ECT2L: variants seen among roughly 807,000 people sequenced by gnomAD.
The protein encoded by ECT2L is epithelial cell transforming 2 like.
A neutral mutation model predicts 122.8 loss-of-function variants in ECT2L; 126 were observed. The ratio of observed to expected loss-of-function variants is 1.03; its 90% CI spans 0.89 to 1.19. The LOEUF (loss-of-function observed/expected upper bound fraction) is 1.19, where lower values mean the gene tolerates loss of function less well. Ranked by LOEUF, ECT2L falls within the 50% of genes most tolerant of loss-of-function variation. ECT2L has a pLI of 0.00. For missense variants in ECT2L, 1,012 were observed against 1,064.1 expected, an observed-to-expected ratio of 0.95 and a Z score of 0.68; for synonymous variants, 385 against 381.8, an observed-to-expected ratio of 1.01 and a Z score of -0.10.
chr6:138,873,003 C>T (rs1778309384), intron 13 of ECT2L, among the ~76,000 whole-genome samples: 2 of 152,142 alleles, frequency 1.3e-5, no homozygotes, highest in South Asian at 4.1e-4. Context: ...TGGAGCAGTT[C>T]CTCTGAGGCA....
Position 138,865,296 on chromosome 6 carries a change from A to C in ECT2L, c.1474+118A>C. On this transcript the variant is annotated intron_variant, in intron 12 of 21. Coordinates refer to ENST00000541398, the MANE Select transcript of ECT2L (RefSeq NM_001077706.3). ...TTTACTCTTGAACATCTCCAGTAAA[A>C]TTTTATCTCCTAGGTTGCTCACACG... The C allele has an allele frequency of 4.1e-6, 4 of 970,638 alleles. No individual in the cohort carries two copies. In the South Asian group the frequency reaches 8.8e-5, roughly 21 times the overall value. 60.1% of individuals were successfully genotyped at this position (970,638 alleles called of 1,614,324 possible). A position where few individuals can be genotyped will look rare whatever the true frequency, so the allele number is the denominator to read the frequency against.
rs1172375219 is a variant in ECT2L, at chr6:138,812,935, T to TA, written c.-140dup. ...AATGCTTCCCATTTTCCCAGCAAAG[T>TA]AAAAAACAACTTTTGTTTAAATTCA... On this transcript the variant is annotated 5_prime_UTR_variant, in exon 2 of 22. Transcript: ENST00000541398. 2 of 203,886 alleles carry TA rather than the reference T, an allele frequency of 9.8e-6. No homozygotes were observed. The highest frequency in any genetic ancestry group is 1.1e-4 in the East Asian group (1 of 9,110). The allele number at this position is 203,886 out of a possible 1,614,324, so 12.6% of individuals were successfully genotyped here.
At chr6:138,873,153 G>C (rs1017930662) in intron 13 of ECT2L, among the ~76,000 whole-genome samples, 18 of 152,086 alleles carry the variant, frequency 1.2e-4, no homozygotes, top group East Asian at 1.9e-4. Flanking sequence ...CTGGAAATCA[G>C]GCCCTCTATT....
chr6:138,852,329 CT>C (rs746770661), intron 9 of ECT2L, among the ~76,000 whole-genome samples: 2,430 of 143,190 alleles, frequency 0.017, 42 homozygotes, highest in Admixed American at 0.056. Context: ...TCAACGGTTA[CT>C]TTTTTTTTTT....
At chr6:138,893,137 G>A (rs1334758971) in intron 20 of ECT2L, among the ~76,000 whole-genome samples, 1 of 151,290 alleles carries the variant, frequency 6.6e-6, no homozygotes, top group Non-Finnish European at 1.5e-5. Context: ...GTTACTTCTG[G>A]ACTGTGACCT....
intron 10 of ECT2L, among the ~76,000 whole-genome samples, chr6:138,858,985 C>G (rs114960462): frequency 0.015 from 2,303 of 152,054 alleles, 41 homozygotes; most frequent in African/African-American, 0.048. Context: ...CAGGTGTGCA[C>G]CATCCCGCCT....
intron 10 of ECT2L, 77 bp downstream of exon 10, chr6:138,854,231 C>T (rs1777541405): frequency 1.4e-6 from 2 of 1,443,300 alleles, no homozygotes; most frequent in East Asian, 2.3e-5. Flanking sequence ...TTGAAGTGCC[C>T]CTGGGTCAAA....
At chr6:138,824,363 G>A (rs1261276518) in intron 4 of ECT2L, among the ~76,000 whole-genome samples, 1 of 150,950 alleles carries the variant, frequency 6.6e-6, no homozygotes, top group Admixed American at 6.6e-5. Context: ...TATTAAAGAG[G>A]TTCATGTTAA....
In ECT2L at chr6:138,890,814, G is replaced by A. The variant is rs1239991132; in HGVS notation, c.2414+1783G>A. On this transcript the variant is annotated intron_variant, in intron 20 of 21. Transcript: ENST00000541398. Reference sequence around the variant, plus strand: ...GTGTGTAAAAAATTTATTGTTTGAAGGCAATTTTGCTGGATACAGAATTCT... The same window carrying A: ...GTGTGTAAAAAATTTATTGTTTGAAAGCAATTTTGCTGGATACAGAATTCT... 4.0e-5 allele frequency among the ~76,000 whole-genome samples: 6 copies of A among 151,652 alleles called. No individual in the cohort carries two copies. In the Middle Eastern group the frequency reaches 0.014, roughly 344 times the overall value.
chr6:138,839,001 C>T (rs1487804651), intron 5 of ECT2L, among the ~76,000 whole-genome samples: 1 of 152,286 alleles, frequency 6.6e-6, no homozygotes, highest in Non-Finnish European at 1.5e-5. Context: ...AGGCTTGTCT[C>T]GCACTCCTGA....
intron 20 of ECT2L, among the ~76,000 whole-genome samples, chr6:138,898,522 A>C (rs1779288301): frequency 1.3e-5 from 2 of 152,164 alleles, no homozygotes; most frequent in Non-Finnish European, 1.5e-5. Context: ...GCATAGCTGT[A>C]ACTAATAAAT....
intron 19 of ECT2L, among the ~76,000 whole-genome samples, chr6:138,887,914 C>A (rs1582661584): frequency 6.6e-6 from 1 of 152,188 alleles, no homozygotes; most frequent in East Asian, 1.9e-4. Context: ...GATTTTGCAT[C>A]CTGAACATTC....
At chr6:138,803,084 A>AT (rs145832446) in intron 1 of ECT2L, among the ~76,000 whole-genome samples, 15,687 of 122,410 alleles carry the variant, frequency 0.13, 1,001 homozygotes, top group East Asian at 0.26. Flanking sequence ...CTCAAAAAAA[A>AT]AAAAATAATA....
At chr6:138,856,874 G>C (rs1263462857) in intron 10 of ECT2L, among the ~76,000 whole-genome samples, 2 of 152,180 alleles carry the variant, frequency 1.3e-5, no homozygotes, top group Non-Finnish European at 2.9e-5. Flanking sequence ...TCTTTGAGAT[G>C]ACAATTTTAT....
intron 11 of ECT2L, among the ~76,000 whole-genome samples, chr6:138,863,091 G>C (rs1777896211): frequency 6.6e-6 from 1 of 152,164 alleles, no homozygotes; most frequent in Non-Finnish European, 1.5e-5. Flanking sequence ...TAGCTACAAA[G>C]AGATGGCAAA....
chr6:138,883,543 G>A (rs1015973372), intron 16 of ECT2L, among the ~76,000 whole-genome samples: 3 of 152,142 alleles, frequency 2.0e-5, no homozygotes, highest in African/African-American at 4.8e-5. Context: ...GTGACCACTC[G>A]TCTTCACTGA....
At chr6:138,843,347 TTAAG>T in intron 6 of ECT2L, 116 bp downstream of exon 6, 3 of 1,069,924 alleles carry the variant, frequency 2.8e-6, no homozygotes, top group Non-Finnish European at 2.6e-6. Flanking sequence ...AGTGGCAGTC[TTAAG>T]TATTTTCCAG....
At chr6:138,847,464 G>A (rs1465660894) in intron 8 of ECT2L, among the ~76,000 whole-genome samples, 26 of 130,312 alleles carry the variant, frequency 2.0e-4, no homozygotes, top group African/African-American at 4.8e-4. Context: ...TCTGCCTCCC[G>A]GGTTCACACC....
chr6:138,814,613 G>A lies in ECT2L; in HGVS notation c.179+10G>A, dbSNP rs1344196907. The A allele has an allele frequency of 2.7e-6, 4 of 1,471,028 alleles. No homozygotes were observed. The African/African-American group carries it at 4.2e-5, about 15-fold the overall frequency. 91.1% of individuals were successfully genotyped at this position (1,471,028 alleles called of 1,614,324 possible). ...CTAAATCACAATTAAGGTAAATGTA[G>A]CCTAATGATGTAATTAACATTGATT... On this transcript the variant is annotated intron_variant, in intron 4 of 21. Coordinates refer to ENST00000541398, the MANE Select transcript of ECT2L (RefSeq NM_001077706.3).
Sources: allele counts gnomAD v4.1 joint callset (sites outside exome capture counted in the v4.1 genomes callset), GRCh38; gene constraint gnomAD v4.1.1; transcripts MANE v1.5; gene names NCBI Gene and HGNC (gene_info 2026-07-23, HGNC 2026-07-21).